Variants in NFATC2 observed in about 807,000 individuals in gnomAD.
NFATC2 encodes nuclear factor of activated T-cells, cytoplasmic 2.
NFATC2 carries 22 observed loss-of-function variants against 87.3 expected under a neutral mutation model. The ratio of observed to expected loss-of-function variants is 0.25; its 90% CI spans 0.18 to 0.36. NFATC2 has a LOEUF of 0.36. Ranked by LOEUF, NFATC2 falls within the 10% of genes least tolerant of loss-of-function variation. The pLI, the probability that NFATC2 is intolerant of heterozygous loss-of-function variation, is 1.00. For missense variants in NFATC2, 1,149 were observed against 1,259.1 expected (o/e 0.91, Z 1.32); for synonymous variants, 565 against 542.2 (o/e 1.04, Z -0.58).
intron 6 of NFATC2, 61 bp from the exon 7 acceptor site, chr20:51,435,822 A>G: frequency 5.0e-6 from 7 of 1,397,152 alleles, no homozygotes; most frequent in Non-Finnish European, 7.0e-6. Flanking sequence ...GATTTAAGAC[A>G]AAAACTCACC....
At chr20:51,445,570 ACT>A (rs1984953596) in intron 6 of NFATC2, among the ~76,000 whole-genome samples, 1 of 152,214 alleles carries the variant, frequency 6.6e-6, no homozygotes, top group African/African-American at 2.4e-5. Context: ...AAAGAAATTC[ACT>A]GTTTGGGATT....
intron 5 of NFATC2, among the ~76,000 whole-genome samples, chr20:51,466,424 CAGGAG>C (rs1018709100): frequency 1.3e-5 from 2 of 152,052 alleles, no homozygotes; most frequent in Non-Finnish European, 2.9e-5. Context: ...CAGCTAGACC[CAGGAG>C]AGTAAAGTGA....
rs764081207 is a variant in NFATC2, at chr20:51,389,490, T to A, written c.*2006A>T. On this transcript the variant is annotated 3_prime_UTR_variant, in exon 11 of 11. Transcript: ENST00000371564. ...TGAAGCTGCTAGTATAAGGAACTTATAATAAGGAACTTATTTTGTTCATGA... is the reference window on the plus strand; with the variant it reads ...TGAAGCTGCTAGTATAAGGAACTTAAAATAAGGAACTTATTTTGTTCATGA... 2 of 152,196 alleles carry A rather than the reference T, an allele frequency of 1.3e-5. No individual in the cohort carries two copies. Among genetic ancestry groups the A allele is most frequent in the Non-Finnish European group, 2.9e-5 (2 of 68,028 alleles). 9.4% of individuals were successfully genotyped at this position (152,196 alleles called of 1,614,324 possible). A position where few individuals can be genotyped will look rare whatever the true frequency, so the allele number is the denominator to read the frequency against.
intron 1 of NFATC2, among the ~76,000 whole-genome samples, chr20:51,561,345 A>G (rs1353956998): frequency 1.4e-5 from 2 of 147,676 alleles, no homozygotes; most frequent in East Asian, 2.0e-4. Flanking sequence ...AAAAGAAAGA[A>G]AGAGAGAGAA....
intron 9 of NFATC2, among the ~76,000 whole-genome samples, chr20:51,400,887 G>A (rs1003746855): frequency 2.6e-5 from 4 of 152,146 alleles, no homozygotes; most frequent in Non-Finnish European, 5.9e-5. Flanking sequence ...CAGCTCTATG[G>A]GTACTAGTCC....
intron 10 of NFATC2, among the ~76,000 whole-genome samples, chr20:51,396,068 A>G (rs1407625734): frequency 1.0e-4 from 3 of 29,310 alleles, no homozygotes; most frequent in African/African-American, 5.3e-4. Flanking sequence ...ATATATATAT[A>G]TATATATATA....
intron 9 of NFATC2, among the ~76,000 whole-genome samples, chr20:51,419,097 G>T (rs569087041): frequency 6.6e-6 from 1 of 152,112 alleles, no homozygotes. Flanking sequence ...GTCCTCACTG[G>T]CACACAGTAG....
At chr20:51,412,600 G>A (rs920314810) in intron 9 of NFATC2, among the ~76,000 whole-genome samples, 3 of 152,108 alleles carry the variant, frequency 2.0e-5, no homozygotes, top group Non-Finnish European at 4.4e-5. Context: ...TGGCCTGGTC[G>A]GGAGCACCCT....
chr20:51,523,424 G>A lies in NFATC2; in HGVS notation c.817C>T (p.Arg273Trp), dbSNP rs755691701. 3 of 1,607,642 alleles carry A rather than the reference G, an allele frequency of 1.9e-6. No individual in the cohort carries two copies. The highest frequency in any genetic ancestry group is 1.7e-5 in the Admixed American group (1 of 59,244). ...GATGAGGGCTGCGGCGAGGGGCTCC[G>A]GGAGCGCTGGGGTGAGGCTCCGGGC... ...LPPGASPQRS[R>W]SPSPQPSSHV... Residue 273 changes from arginine to tryptophan, a missense_variant, in exon 2 of 11, where the codon CGG becomes TGG. Around this residue, in one of 3 missense-constraint regions of NFATC2, gnomAD observed 563 missense variants for 585.2 expected, o/e 0.96. Coordinates refer to ENST00000371564, the MANE Select transcript of NFATC2 (RefSeq NM_012340.5). The surrounding 1 kb of genome is among the most constrained non-coding windows in gnomAD (Gnocchi z 6.9).
chr20:51,461,215 G>A (rs1987111367), intron 5 of NFATC2, among the ~76,000 whole-genome samples: 2 of 152,130 alleles, frequency 1.3e-5, no homozygotes, highest in African/African-American at 4.8e-5. Context: ...GTCCAGGGTG[G>A]GTGGGAGGCT....
In NFATC2 at chr20:51,432,292, A is replaced by G. The variant is rs749627820; in HGVS notation, c.2497T>C (p.Tyr833His). The G allele has an allele frequency of 5.0e-6, 8 of 1,614,220 alleles. No individual in the cohort carries two copies. Among genetic ancestry groups the G allele is most frequent in the Non-Finnish European group, 1.7e-6 (2 of 1,180,036 alleles). ...GTGCCTGGTGCGAAATTCTCGCAGT[A>G]CATGATGTGCTGGAACTCCTGGTGG... ...GSHQEFQHIM[Y>H]CENFAPGTTR... The change falls in exon 9 of 11, where the codon TAC (tyrosine) becomes CAC (histidine). Residue 833 changes from tyrosine to histidine, a missense_variant. This residue lies in a region of NFATC2 where 581 missense variants were observed against 649.7 expected (regional missense o/e 0.89). Coordinates refer to ENST00000371564, the MANE Select transcript of NFATC2 (RefSeq NM_012340.5). The surrounding 1 kb of genome is among the most constrained non-coding windows in gnomAD (Gnocchi z 4.6).
At chr20:51,444,242 A>G (rs1600743606) in intron 6 of NFATC2, among the ~76,000 whole-genome samples, 1 of 152,024 alleles carries the variant, frequency 6.6e-6, no homozygotes, top group East Asian at 1.9e-4. Flanking sequence ...TTGGCCTCCC[A>G]AAGTGCTGGG....
At chr20:51,477,533 G>GTGTGTGTA (rs1203933981) in intron 3 of NFATC2, among the ~76,000 whole-genome samples, 2 of 68,550 alleles carry the variant, frequency 2.9e-5, no homozygotes, top group African/African-American at 1.2e-4. Flanking sequence ...GTGTGTGTGT[G>GTGTGTGTA]TCTATATATA....
chr20:51,454,833 G>A, intron 5 of NFATC2, 145 bp from the exon 6 acceptor site: 1 of 859,506 alleles, frequency 1.2e-6, no homozygotes, highest in Non-Finnish European at 1.8e-6. Flanking sequence ...CATCACCCCT[G>A]ACAATCAATG....
At chr20:51,444,193 G>A (rs1413178859) in intron 6 of NFATC2, among the ~76,000 whole-genome samples, 11 of 151,964 alleles carry the variant, frequency 7.2e-5, no homozygotes, top group Admixed American at 7.2e-4. Flanking sequence ...TGTTGGCCAG[G>A]CTGGTCTTGA....
chr20:51,448,326 G>A (rs1985334602), intron 6 of NFATC2, among the ~76,000 whole-genome samples: 1 of 152,210 alleles, frequency 6.6e-6, no homozygotes, highest in African/African-American at 2.4e-5. Context: ...GGGAGGAATA[G>A]GAGGCCGCAG....
At chr20:51,477,573 ATAT>A (rs1568667346) in intron 3 of NFATC2, among the ~76,000 whole-genome samples, 1,703 of 87,054 alleles carry the variant, frequency 0.02, 19 homozygotes, top group Middle Eastern at 0.024. Flanking sequence ...ATATATATAT[ATAT>A]ATATAAAATA....
intron 5 of NFATC2, among the ~76,000 whole-genome samples, chr20:51,463,258 G>A (rs565645329): frequency 6.6e-6 from 1 of 152,224 alleles, no homozygotes; most frequent in Non-Finnish European, 1.5e-5. Context: ...ATCTCCCCTA[G>A]TGTGGGGCTC....
At chr20:51,433,738 T>C (rs912599592) in intron 8 of NFATC2, among the ~76,000 whole-genome samples, 25 of 148,512 alleles carry the variant, frequency 1.7e-4, no homozygotes, top group African/African-American at 6.3e-4. Flanking sequence ...TGTGTGCGCA[T>C]GCGTGTGTGT....
Sources: gnomAD v4.1 joint callset for allele counts (sites outside exome capture counted in the v4.1 genomes callset) on GRCh38, gnomAD v4.1.1 for gene constraint, gnomAD v4.1.1 regional missense constraint, Gnocchi (gnomAD v3.1) non-coding constraint, MANE v1.5 for transcripts, NCBI Gene and HGNC (gene_info 2026-07-23, HGNC 2026-07-21) for gene names.